TNXB: variants seen among roughly 807,000 people sequenced by gnomAD.
The protein encoded by TNXB is tenascin-X.
In TNXB, 183 loss-of-function variants were observed where a neutral mutation model predicts 340.5. That is an observed-to-expected ratio of 0.54 (90% CI 0.48 to 0.61). The LOEUF is 0.61. TNXB is among the 20% of genes least tolerant of loss of function. TNXB has a pLI of 0.00. For synonymous variants in TNXB, 2,121 were observed against 2,314.5 expected (o/e 0.92, Z 2.40); for missense variants, 4,613 against 5,446.4 (o/e 0.85, Z 4.82).
At chr6:32,063,249 G>A (rs998043563) in intron 19 of TNXB, among the ~76,000 whole-genome samples, 29 of 152,154 alleles carry the variant, frequency 1.9e-4, no homozygotes, top group Admixed American at 6.5e-4. Context: ...TTAGCCAGAT[G>A]TGCTGGTGCA....
At chr6:32,092,719 G>C (rs114989909) in intron 4 of TNXB, among the ~76,000 whole-genome samples, 5,056 of 151,620 alleles carry the variant, frequency 0.033, 154 homozygotes, top group African/African-American at 0.066. Context: ...AGAAAGAAAA[G>C]AAAAGAAATA....
At chr6:32,103,773 CAGGCTGG>C (rs1780842478) in intron 1 of TNXB, among the ~76,000 whole-genome samples, 1 of 149,886 alleles carries the variant, frequency 6.7e-6, no homozygotes, top group Non-Finnish European at 1.5e-5. Context: ...CTCTGTCGCC[CAGGCTGG>C]AGTGCAGTGG....
Position 32,073,785 on chromosome 6 carries a change from G to A in TNXB, c.4543C>T (p.Pro1515Ser), listed in dbSNP as rs1437665984. The stretch of plus-strand genomic sequence containing the variant: ...TCTGCCGCCACCGGCACCACCTGGG[G>A]CTGCCCGTCCTTGTCCTTGTACTGG... ...IVQYKDKDGQ[P>S]QVVPVAADQR... is the part of the protein sequence containing the mutation. The change falls in exon 12 of 44, where the codon CCC becomes TCC. Residue 1515 changes from proline to serine, a missense_variant. By Grantham distance (74) the Pro-to-Ser change is moderately conservative. Coordinates refer to ENST00000644971, the MANE Select transcript of TNXB (RefSeq NM_001365276.2). This position sits in a 1 kb window ranked among gnomAD's most constrained non-coding sequence, Gnocchi z 4.6. 1.2e-6 allele frequency: 2 copies of A among 1,612,538 alleles called. No individual in the cohort carries two copies. The highest frequency in any genetic ancestry group is 1.7e-6 in the Non-Finnish European group (2 of 1,179,262).
Position 32,047,736 on chromosome 6 carries a change from G to A in TNXB, c.10322C>T (p.Thr3441Ile), listed in dbSNP as rs1312713297. 2.5e-6 allele frequency: 4 copies of A among 1,596,480 alleles called. No homozygotes were observed. The highest frequency in any genetic ancestry group is 3.4e-5 in the Admixed American group (2 of 59,630). ...RLGPISADST[T>I]APLEKELPPH... ...GTGGAGGCTGGACTGGGACTCACCT[G>A]TGGTGCTGTCAGCAGAGATGGGGCC... The change falls in exon 30 of 44, where the codon ACA becomes ATA. Residue 3441 changes from threonine to isoleucine, a missense_variant and splice_region_variant. Thr to Ile is a moderately conservative substitution (Grantham distance 89). Transcript: ENST00000644971. This position sits in a 1 kb window ranked among gnomAD's most constrained non-coding sequence, Gnocchi z 6.2.
intron 18 of TNXB, among the ~76,000 whole-genome samples, chr6:32,065,779 C>T (rs570855350): frequency 2.0e-4 from 31 of 152,164 alleles, no homozygotes; most frequent in Non-Finnish European, 4.0e-4. Flanking sequence ...CGTGCCACCA[C>T]GCTCCGCTTT....
In TNXB at chr6:32,048,435, T is replaced by C. The variant is rs1281137637; in HGVS notation, c.9973A>G (p.Lys3325Glu). ...AGTCCAAAGAGCAGGAACTTGTACT[T>C]GCGGGCCGGGTCCAGCCCCGAGACG... is the stretch of plus-strand genomic sequence containing the variant. ...VAVSGLDPAR[K>E]YKFLLFGLQN... Residue 3325 changes from lysine to glutamate, a missense_variant, in exon 29 of 44, where the codon AAG becomes GAG. This residue lies in a region of TNXB where 4,327 missense variants were observed against 4,859.4 expected (regional missense o/e 0.89). Transcript: ENST00000644971. 6.4e-7 allele frequency: 1 copy of C among 1,573,450 alleles called. No individual in the cohort carries two copies. The highest frequency in any genetic ancestry group is 2.3e-5 in the East Asian group (1 of 44,226).
At chr6:32,076,841 G>T (rs961428192) in intron 11 of TNXB, among the ~76,000 whole-genome samples, 4 of 152,132 alleles carry the variant, frequency 2.6e-5, no homozygotes, top group Non-Finnish European at 5.9e-5. Flanking sequence ...AATTAGCCGG[G>T]TGTGGTGGTG....
chr6:32,060,089 CT>C (rs1777917705), intron 21 of TNXB, among the ~76,000 whole-genome samples: 1 of 151,972 alleles, frequency 6.6e-6, no homozygotes, highest in East Asian at 1.9e-4. Context: ...AATCCCAGCA[CT>C]TTGGGAGGCC....
In TNXB at chr6:32,056,617, G is replaced by C. The variant is rs753413229; in HGVS notation, c.8112C>G (p.Arg2704=). The part of the protein sequence containing the change: ...MNLYGFHGGQ[R]VGPISVIGVT... ...CCCCAATGACAGAGATGGGGCCCAC[G>C]CGCTGGCCACCGTGGAAGCCGTACA... The change falls in exon 23 of 44, where the codon CGC becomes CGG. Residue 2704 remains arginine (R), a synonymous_variant. Coordinates refer to ENST00000644971, the MANE Select transcript of TNXB (RefSeq NM_001365276.2). 3 of 1,613,052 alleles carry C rather than the reference G, an allele frequency of 1.9e-6. No individual in the cohort carries two copies. Among genetic ancestry groups the C allele is most frequent in the Non-Finnish European group, 8.5e-7 (1 of 1,179,868 alleles).
At chr6:32,071,888 T>G in intron 13 of TNXB, 102 bp downstream of exon 13, 11 of 1,090,352 alleles carry the variant, frequency 1.0e-5, no homozygotes, top group East Asian at 2.6e-5. Flanking sequence ...GCTTTTCAAA[T>G]GAGACAGAGC....
rs1364022484 is a variant in TNXB at position 32,043,286 on chromosome 6, C to T, written c.11683G>A (p.Ala3895Thr). 167 of 327,196 alleles carry T rather than the reference C, an allele frequency of 5.1e-4. No individual in the cohort carries two copies. The highest frequency in any genetic ancestry group is 7.3e-4 in the Non-Finnish European group (140 of 191,224). The allele number at this position is 327,196 out of a possible 1,614,324, so 20.3% of individuals were successfully genotyped here. Reference protein sequence around the residue: ...PPLQAETPGSAVDYPLHDLVL... With the variant: ...PPLQAETPGSTVDYPLHDLVL... ...AGGTCATGCAGGGGGTAGTCCACCG[C>T]GCTGCCTGGGGTCTCCGCCTGCAGA... Residue 3895 changes from alanine (A) to threonine (T), a missense_variant, in exon 37 of 44, where the codon GCG becomes ACG. Transcript: ENST00000644971.
chr6:32,081,611 G>A lies in TNXB; in HGVS notation c.3799C>T (p.Leu1267=). The A allele has an allele frequency of 1.2e-6, 2 of 1,601,330 alleles. No individual in the cohort carries two copies. Among genetic ancestry groups the A allele is most frequent in the Non-Finnish European group, 8.5e-7 (1 of 1,174,710 alleles). The stretch of plus-strand genomic sequence containing the variant: ...TCTGGGGTCACGCCGGTCACTGTCA[G>A]TTCCCCCAGGAGGGGCTGCTCCAGG... ...EFLEQPLLGE[L]TVTGVTPDSL... is the part of the protein sequence containing the mutation. The change falls in exon 10 of 44, where the codon CTG becomes TTG. Residue 1267 remains leucine (L), a synonymous_variant. Transcript: ENST00000644971. The surrounding 1 kb of genome is among the most constrained non-coding windows in gnomAD (Gnocchi z 5.1).
In TNXB at chr6:32,062,022, TG is replaced by T; in HGVS notation, c.7168+134del. On this transcript the variant is annotated intron_variant, in intron 20 of 43. Transcript: ENST00000644971. The surrounding 1 kb of genome is among the most constrained non-coding windows in gnomAD (Gnocchi z 4.3). ...GGGTCAACCACACAAAAAGGTACAA[TG>T]GGAGCCCCAGCCCCAGCCACAAGTA... 8.2e-7 allele frequency: 1 copy of T among 1,213,824 alleles called. No homozygotes were observed. The highest frequency in any genetic ancestry group is 1.5e-5 in the African/African-American group (1 of 65,512). 75.2% of individuals were successfully genotyped at this position (1,213,824 alleles called of 1,614,324 possible). A position where few individuals can be genotyped will look rare whatever the true frequency, so the allele number is the denominator to read the frequency against.
In TNXB at chr6:32,067,740, A is replaced by G. The variant is rs776625903; in HGVS notation, c.6465T>C (p.Pro2155=). 1.9e-6 allele frequency: 3 copies of G among 1,613,578 alleles called. No individual in the cohort carries two copies. Among genetic ancestry groups the G allele is most frequent in the Non-Finnish European group, 2.5e-6 (3 of 1,179,782 alleles). ...ESEVTVGGLE[P]GRKYKMHLYG... Reference sequence around the variant, plus strand: ...ACAGGTGCATCTTGTACTTGCGCCCAGGCTCCAGGCCCCCCACGGTGACTT... The same window carrying G: ...ACAGGTGCATCTTGTACTTGCGCCCGGGCTCCAGGCCCCCCACGGTGACTT... Residue 2155 remains proline (P), a synonymous_variant, in exon 18 of 44, where the codon CCT becomes CCC. Coordinates refer to ENST00000644971, the MANE Select transcript of TNXB (RefSeq NM_001365276.2). The surrounding 1 kb of genome is among the most constrained non-coding windows in gnomAD (Gnocchi z 4.2).
rs548262404 is a variant in TNXB at position 32,052,235 on chromosome 6, A to G, written c.9115+435T>C. On this transcript the variant is annotated intron_variant, in intron 26 of 43. Coordinates refer to ENST00000644971, the MANE Select transcript of TNXB (RefSeq NM_001365276.2). The surrounding 1 kb of genome is among the most constrained non-coding windows in gnomAD (Gnocchi z 4.7). The stretch of plus-strand genomic sequence containing the variant: ...GGGAGGCCGAGGAGGGCAGATCACG[A>G]GGTCAGGAGATTGAGACCATCCTGG... 1.3e-5 allele frequency among the ~76,000 whole-genome samples: 2 copies of G among 152,292 alleles called. No homozygotes were observed. Among genetic ancestry groups the G allele is most frequent in the East Asian group, 3.9e-4 (2 of 5,180 alleles).
chr6:32,064,727 T>A lies in TNXB; in HGVS notation c.6841+94A>T. 1 of 1,494,322 alleles carries A rather than the reference T, an allele frequency of 6.7e-7. No homozygotes were observed. Among genetic ancestry groups the A allele is most frequent in the Non-Finnish European group, 8.9e-7 (1 of 1,121,672 alleles). The allele number at this position is 1,494,322 out of a possible 1,614,324, so 92.6% of individuals were successfully genotyped here. The stretch of plus-strand genomic sequence containing the variant: ...TCCCAGGAGCTTGGGAGGCTTGGTC[T>A]CAGGGAAAGTAAAATAAAGCCACCA... On this transcript the variant is annotated intron_variant, in intron 19 of 43. Coordinates refer to ENST00000644971, the MANE Select transcript of TNXB (RefSeq NM_001365276.2). This position sits in a 1 kb window ranked among gnomAD's most constrained non-coding sequence, Gnocchi z 5.3.
At position 32,062,883 on chromosome 6, in the gene TNXB, G is replaced by A. The variant is rs1408126646; in HGVS notation, c.6842-400C>T. Among the ~76,000 whole-genome samples, 4 of 150,840 alleles carry A rather than the reference G, an allele frequency of 2.7e-5. No individual in the cohort carries two copies. The highest frequency in any genetic ancestry group is 7.3e-5 in the African/African-American group (3 of 40,960). ...ATCCTGGCTAACACTGTGAAACCCC[G>A]TCTTTACTAAAAATACAAAAAATTA... On this transcript the variant is annotated intron_variant, in intron 19 of 43. Transcript: ENST00000644971. The surrounding 1 kb of genome is among the most constrained non-coding windows in gnomAD (Gnocchi z 4.3).
chr6:32,060,310 C>G (rs1222330876), intron 21 of TNXB, among the ~76,000 whole-genome samples: 2 of 148,996 alleles, frequency 1.3e-5, no homozygotes, highest in Admixed American at 1.3e-4. Flanking sequence ...CCAGCCTGGG[C>G]GACAAGAGCG....
chr6:32,051,068 T>C lies in TNXB; in HGVS notation c.9116-747A>G, dbSNP rs1278561426. On this transcript the variant is annotated intron_variant, in intron 26 of 43. Coordinates refer to ENST00000644971, the MANE Select transcript of TNXB (RefSeq NM_001365276.2). The surrounding 1 kb of genome is among the most constrained non-coding windows in gnomAD (Gnocchi z 4.7). ...GGACACCCCACTCAATCCTCAGTACTTCTCACACACCATGCTCTTTCTAGC... is the reference window on the plus strand; with the variant it reads ...GGACACCCCACTCAATCCTCAGTACCTCTCACACACCATGCTCTTTCTAGC... Among the ~76,000 whole-genome samples the C allele has an allele frequency of 6.6e-6, 1 of 152,256 alleles. No homozygotes were observed. Among genetic ancestry groups the C allele is most frequent in the East Asian group, 1.9e-4 (1 of 5,198 alleles).
Sources: gnomAD v4.1 joint callset for allele counts (sites outside exome capture counted in the v4.1 genomes callset) on GRCh38, gnomAD v4.1.1 for gene constraint, gnomAD v4.1.1 regional missense constraint, Gnocchi (gnomAD v3.1) non-coding constraint, MANE v1.5 for transcripts, NCBI Gene and HGNC (gene_info 2026-07-23, HGNC 2026-07-21) for gene names.